The following REC8 variants were observed in gnomAD, a reference collection of about 807,000 sequenced individuals.
REC8 encodes REC8 meiotic recombination protein.
In REC8, 42 loss-of-function variants were observed where a neutral mutation model predicts 78.3. The observed-to-expected ratio is 0.54, with a 90% CI of 0.42 to 0.69. The LOEUF is 0.69. Among genes scored for constraint, REC8 ranks in the 30% least tolerant of loss-of-function variants. The pLI is 0.00. For synonymous variants in REC8, 268 were observed against 274.1 expected (o/e 0.98, Z 0.22); for missense variants, 581 against 715.8 (o/e 0.81, Z 2.15).
rs542057973 is a variant in REC8 at position 24,179,864 on chromosome 14, A to C, written c.1516A>C (p.Ser506Arg). 1 of 1,613,722 alleles carries C rather than the reference A, an allele frequency of 6.2e-7. No individual in the cohort carries two copies. Among genetic ancestry groups the C allele is most frequent in the South Asian group, 1.1e-5 (1 of 91,032 alleles). Residue 506 changes from serine (S) to arginine (R), a missense_variant, in exon 18 of 19, where the codon AGC becomes CGC. Transcript: ENST00000611366. ...PDFSSLVSPL[S>R]PRRMAARVFY... ...CTTCAGCAGCCTGGTGTCACCTCTC[A>C]GCCCCCGCAGGATGGCTGCCCGGGT...
At chr14:24,180,547 G>A (rs200728946), downstream of REC8, 3 of 1,614,166 alleles carry the variant, frequency 1.9e-6, no homozygotes. Context: ...GGAACGTCAG[G>A]AGCAGCAACA....
chr14:24,175,002 A>AC (rs1400637476), intron 5 of REC8, among the ~76,000 whole-genome samples: 42 of 133,976 alleles, frequency 3.1e-4, no homozygotes, highest in African/African-American at 1.2e-3. Flanking sequence ...TGCTGCTTGC[A>AC]CAAATTTTTT....
At chr14:24,178,566 T>C (rs2039007237) in intron 12 of REC8, 40 bp from the exon 13 acceptor site, 1 of 1,604,860 alleles carries the variant, frequency 6.2e-7, no homozygotes, top group African/African-American at 1.3e-5. Context: ...GAGGAGTGGC[T>C]GCTTTATAAT....
intron 11 of REC8, 141 bp downstream of exon 11, chr14:24,177,899 C>A: frequency 1.4e-6 from 2 of 1,476,018 alleles, no homozygotes; most frequent in Non-Finnish European, 9.0e-7. Context: ...TACGCCCCAT[C>A]GTATCTGGCC....
Position 24,172,950 on chromosome 14 carries a change from C to G in REC8, c.177C>G (p.Gly59=). Residue 59 remains glycine (G), a synonymous_variant, in exon 3 of 19, where the codon GGC becomes GGG. Coordinates refer to ENST00000611366, the MANE Select transcript of REC8 (RefSeq NM_001048205.2). ...VLVRVQPPQP[G]LPRPRFSLYL... ...TACGAGTGCAACCCCCGCAGCCCGG[C>G]CTGCCGCGGCCCCGCTTCTCCCTCT... The G allele has an allele frequency of 1.2e-6, 2 of 1,610,402 alleles. No homozygotes were observed. Among genetic ancestry groups the G allele is most frequent in the Non-Finnish European group, 1.7e-6 (2 of 1,180,016 alleles).
intron 18 of REC8, 22 bp from the exon 19 acceptor site, chr14:24,179,988 C>T (rs2138801978): frequency 6.2e-7 from 1 of 1,614,106 alleles, no homozygotes; most frequent in East Asian, 2.2e-5. Flanking sequence ...CCCGACCTGC[C>T]CTCTCCTCGC....
rs147442637 is a variant in REC8 at position 24,179,150 on chromosome 14, G to A, written c.1252+17G>A. The A allele has an allele frequency of 5.8e-6, 9 of 1,560,360 alleles. No homozygotes were observed. The East Asian group carries it at 1.9e-4, about 33-fold the overall frequency. ...TGTCTTTAGGTAAGCACCTAGAGAA[G>A]AGGCGCAGTGGGACCACACCCTAAC... On this transcript the variant is annotated intron_variant, in intron 15 of 18. Coordinates refer to ENST00000611366, the MANE Select transcript of REC8 (RefSeq NM_001048205.2).
Position 24,177,371 on chromosome 14 carries a change from C to T in REC8, c.725C>T (p.Pro242Leu), listed in dbSNP as rs374706208. The change falls in exon 9 of 19, where the codon CCA (proline) becomes CTA (leucine). Residue 242 changes from proline to leucine, a missense_variant. By Grantham distance (98) the Pro-to-Leu change is moderately conservative. Coordinates refer to ENST00000611366, the MANE Select transcript of REC8 (RefSeq NM_001048205.2). ...ILLEIPRLPP[P>L]APAEVEGIGE... ...TCCACAGTCCCGCGGCTCCCACCTC[C>T]AGCTCCTGCAGAGTAAGGGCAAGAA... 9.3e-6 allele frequency: 15 copies of T among 1,614,086 alleles called. No individual in the cohort carries two copies. Among genetic ancestry groups the T allele is most frequent in the Non-Finnish European group, 1.7e-6 (2 of 1,180,044 alleles).
chr14:24,175,465 T>C, intron 5 of REC8, 78 bp from the exon 6 acceptor site: 1 of 1,130,444 alleles, frequency 8.8e-7, no homozygotes, highest in South Asian at 1.2e-5. Flanking sequence ...CCGTGCATTG[T>C]TGAAGAAGGC....
rs768792706 is a variant in REC8 at position 24,177,125 on chromosome 14, C to G, written c.625-16C>G. 1 of 1,612,744 alleles carries G rather than the reference C, an allele frequency of 6.2e-7. No homozygotes were observed. The highest frequency in any genetic ancestry group is 1.7e-5 in the Admixed American group (1 of 60,024). On this transcript the variant is annotated splice_polypyrimidine_tract_variant and intron_variant, in intron 7 of 18. Transcript: ENST00000611366. ...TATTATTGAATCCCCTCCCCTTGCT[C>G]TTCCTCTCTGGACAGGGTGAACGGG...
intron 8 of REC8, 34 bp downstream of exon 8, chr14:24,177,256 A>C (rs775258731): frequency 1.2e-6 from 2 of 1,611,658 alleles, no homozygotes; most frequent in Admixed American, 3.3e-5. Context: ...GCCCGCCTGG[A>C]GCTGGATAGT....
chr14:24,177,846 C>G, intron 11 of REC8, 88 bp downstream of exon 11: 1 of 1,486,112 alleles, frequency 6.7e-7, no homozygotes, highest in Non-Finnish European at 9.0e-7. Flanking sequence ...CCACTGCTAG[C>G]TTACAGGGGT....
At chr14:24,174,752 T>C (rs1328471025) in intron 5 of REC8, among the ~76,000 whole-genome samples, 1 of 152,202 alleles carries the variant, frequency 6.6e-6, no homozygotes, top group Non-Finnish European at 1.5e-5. Flanking sequence ...AGTCGGGTTC[T>C]ACATATTCTT....
At chr14:24,173,866 A>G (rs556815498) in intron 5 of REC8, among the ~76,000 whole-genome samples, 30 of 151,684 alleles carry the variant, frequency 2.0e-4, no homozygotes, top group Non-Finnish European at 3.4e-4. Context: ...TTTTATTACT[A>G]TTATTATTAT....
chr14:24,176,913 T>C lies in REC8; in HGVS notation c.624+12T>C. On this transcript the variant is annotated intron_variant, in intron 7 of 18. Transcript: ENST00000611366. ...TGCTGGAGATTGAGGTGAGTTCCCC[T>C]GCACACAGGGCCTGAGGTCCAGCCC... The C allele has an allele frequency of 6.2e-7, 1 of 1,608,162 alleles. No homozygotes were observed.
At chr14:24,175,735 T>TATTACTATTACTATTATTATTATTA in intron 6 of REC8, 111 bp downstream of exon 6, 1 of 736,042 alleles carries the variant, frequency 1.4e-6, no homozygotes, top group Non-Finnish European at 2.3e-6. Flanking sequence ...GCTTTTTTTT[T>TATTACTATTACTATTATTATTATTA]TTTTCGAGGC....
chr14:24,176,959 G>A (rs1566632967), intron 7 of REC8, 58 bp downstream of exon 7: 2 of 1,446,796 alleles, frequency 1.4e-6, no homozygotes, highest in East Asian at 2.3e-5. Flanking sequence ...ACTTCTCTCT[G>A]TCCCCAGAGT....
In REC8 at chr14:24,178,168, C is replaced by A. The variant is rs758989776; in HGVS notation, c.942C>A (p.Ile314=). Residue 314 remains isoleucine (I), a synonymous_variant, in exon 12 of 19, where the codon ATC becomes ATA. Transcript: ENST00000611366. ...RLLFWDKETQ[I]SPEKFQEQLQ... Reference sequence around the variant, plus strand: ...TGTTCTGGGACAAGGAGACTCAGATCTCCCCGGAGAAATTCCAGGAACAAC... The same window carrying A: ...TGTTCTGGGACAAGGAGACTCAGATATCCCCGGAGAAATTCCAGGAACAAC... The A allele has an allele frequency of 1.9e-6, 3 of 1,614,088 alleles. No homozygotes were observed. Among genetic ancestry groups the A allele is most frequent in the Admixed American group, 3.3e-5 (2 of 60,014 alleles).
chr14:24,178,666 ACT>A lies in REC8; in HGVS notation c.1062_1063del (p.Ser355TrpfsTer6). The A allele has an allele frequency of 1.2e-6, 2 of 1,613,930 alleles. No homozygotes were observed. Among genetic ancestry groups the A allele is most frequent in the East Asian group, 2.2e-5 (1 of 44,862 alleles). On this transcript the variant is annotated frameshift_variant, in exon 13 of 19. Coordinates refer to ENST00000611366, the MANE Select transcript of REC8 (RefSeq NM_001048205.2). LOFTEE classifies it high-confidence loss of function. ...CCCTGCGGAGTTGTTCAGAACCCCA[ACT>A]CTCTGTAAGAATGGTGGGGGTTGGG... ...RGPAELFRTP[T>X]LSGWLPPELL...
Sources: gnomAD v4.1 joint callset for allele counts (sites outside exome capture counted in the v4.1 genomes callset) on GRCh38, gnomAD v4.1.1 for gene constraint, MANE v1.5 for transcripts, NCBI Gene and HGNC (gene_info 2026-07-23, HGNC 2026-07-21) for gene names.